TAFA4: variants seen among roughly 807,000 people sequenced by gnomAD.
TAFA4 encodes TAFA chemokine like family member 4, also known as chemokine-like protein TAFA-4.
TAFA4 carries 20 observed loss-of-function variants against 21.1 expected under a neutral mutation model. The observed-to-expected ratio is 0.95, with a 90% CI of 0.67 to 1.38. The LOEUF is 1.38. Ranked by LOEUF, TAFA4 falls within the 40% of genes most tolerant of loss-of-function variation. The pLI, the probability that TAFA4 is intolerant of heterozygous loss-of-function variation, is 0.00. For synonymous variants in TAFA4, 71 were observed against 67.4 expected (o/e 1.05, Z -0.26); for missense variants, 211 against 180.9 (o/e 1.17, Z -0.95).
At chr3:68,814,317 G>T (rs904921755) in intron 3 of TAFA4, among the ~76,000 whole-genome samples, 1 of 152,090 alleles carries the variant, frequency 6.6e-6, no homozygotes, top group Non-Finnish European at 1.5e-5. Context: ...TTCTGGCCAG[G>T]GCAATCAGGC....
intron 4 of TAFA4, among the ~76,000 whole-genome samples, chr3:68,741,114 C>T (rs1404951360): frequency 1.3e-5 from 2 of 152,088 alleles, no homozygotes; most frequent in South Asian, 2.1e-4. Flanking sequence ...TTCAAAATTG[C>T]TTTAGCTATT....
At chr3:68,755,193 T>C (rs1702638482) in intron 3 of TAFA4, among the ~76,000 whole-genome samples, 1 of 152,204 alleles carries the variant, frequency 6.6e-6, no homozygotes, top group Non-Finnish European at 1.5e-5. Flanking sequence ...ACCACCTGAA[T>C]TCCATCATCC....
intron 3 of TAFA4, among the ~76,000 whole-genome samples, chr3:68,809,285 A>C (rs1703776474): frequency 6.6e-6 from 1 of 152,220 alleles, no homozygotes; most frequent in Non-Finnish European, 1.5e-5. Context: ...AATCAATCAA[A>C]ATAAATGTTT....
At chr3:68,926,768 A>G (rs1023008819) in intron 1 of TAFA4, among the ~76,000 whole-genome samples, 7 of 152,098 alleles carry the variant, frequency 4.6e-5, no homozygotes, top group Non-Finnish European at 8.8e-5. Context: ...AAGATTAGCC[A>G]GGCATGGTGA....
In TAFA4 at chr3:68,799,678, G is replaced by A. The variant is rs548806075; in HGVS notation, c.131-46660C>T. Among the ~76,000 whole-genome samples, 3 of 152,270 alleles carry A rather than the reference G, an allele frequency of 2.0e-5. No homozygotes were observed. In the East Asian group the frequency reaches 5.8e-4, roughly 29 times the overall value. ...CAATGTGACAAAGGAAGCAGAAGGA[G>A]AAAAGGCAAAGTGATGAGAGGCCAC... On this transcript the variant is annotated intron_variant, in intron 3 of 5. Transcript: ENST00000295569.
intron 4 of TAFA4, among the ~76,000 whole-genome samples, chr3:68,748,553 T>C (rs1389013368): frequency 3.3e-5 from 5 of 152,092 alleles, no homozygotes; most frequent in Non-Finnish European, 5.9e-5. Flanking sequence ...CCATCCTGGC[T>C]AACATGGGGA....
chr3:68,838,703 TTATGAAAAA>T (rs1273899505), intron 3 of TAFA4, among the ~76,000 whole-genome samples: 2 of 152,162 alleles, frequency 1.3e-5, no homozygotes, highest in African/African-American at 4.8e-5. Flanking sequence ...TCATTCTCAG[TTATGAAAAA>T]GACATACCAT....
At chr3:68,913,900 T>C (rs964966892) in intron 1 of TAFA4, among the ~76,000 whole-genome samples, 7 of 152,212 alleles carry the variant, frequency 4.6e-5, no homozygotes, top group Non-Finnish European at 7.3e-5. Context: ...CAATTAAGTG[T>C]GTTAATACAT....
intron 3 of TAFA4, among the ~76,000 whole-genome samples, chr3:68,760,011 T>C (rs1206033042): frequency 6.6e-6 from 1 of 152,140 alleles, no homozygotes; most frequent in Non-Finnish European, 1.5e-5. Context: ...AACTTGAAAC[T>C]GTTACTCGAT....
intron 1 of TAFA4, among the ~76,000 whole-genome samples, chr3:68,906,038 A>G (rs1416691824): frequency 6.6e-6 from 1 of 152,254 alleles, no homozygotes; most frequent in Non-Finnish European, 1.5e-5. Flanking sequence ...AAAGTAAACA[A>G]TAAAGTAAAT....
chr3:68,802,148 G>C (rs907294743), intron 3 of TAFA4, among the ~76,000 whole-genome samples: 1 of 152,168 alleles, frequency 6.6e-6, no homozygotes, highest in Admixed American at 6.5e-5. Flanking sequence ...TAAGCAATAG[G>C]AAAAACTATT....
intron 3 of TAFA4, among the ~76,000 whole-genome samples, chr3:68,757,671 C>T (rs1380782787): frequency 6.6e-6 from 1 of 152,188 alleles, no homozygotes; most frequent in Non-Finnish European, 1.5e-5. Flanking sequence ...AGAACTGGGC[C>T]ACAGTGCCCT....
At chr3:68,736,132 A>T (rs1377574082) in intron 5 of TAFA4, among the ~76,000 whole-genome samples, 1 of 152,152 alleles carries the variant, frequency 6.6e-6, no homozygotes, top group Admixed American at 6.6e-5. Context: ...CTCACAAACA[A>T]GATACGGCAA....
chr3:68,869,887 G>A (rs2089463664), intron 3 of TAFA4, among the ~76,000 whole-genome samples: 2 of 151,806 alleles, frequency 1.3e-5, no homozygotes, highest in Admixed American at 1.3e-4. Context: ...AGAAATAAAG[G>A]GCATCCAAAT....
At chr3:68,819,561 G>A (rs1402000229) in intron 3 of TAFA4, among the ~76,000 whole-genome samples, 1 of 152,136 alleles carries the variant, frequency 6.6e-6, no homozygotes, top group African/African-American at 2.4e-5. Context: ...GAACCAGACA[G>A]GGAGCTAATA....
At chr3:68,778,273 T>G (rs1330810430) in intron 3 of TAFA4, among the ~76,000 whole-genome samples, 3 of 152,082 alleles carry the variant, frequency 2.0e-5, no homozygotes, top group Non-Finnish European at 4.4e-5. Flanking sequence ...AAAGTAAACT[T>G]CAGAAAAGAG....
At chr3:68,798,817 T>A (rs1029321884) in intron 3 of TAFA4, among the ~76,000 whole-genome samples, 2 of 152,116 alleles carry the variant, frequency 1.3e-5, no homozygotes, top group Non-Finnish European at 2.9e-5. Flanking sequence ...CTAACTTTTT[T>A]AAGAGAAGCA....
At chr3:68,740,386 G>A (rs943677630) in intron 4 of TAFA4, among the ~76,000 whole-genome samples, 5 of 152,166 alleles carry the variant, frequency 3.3e-5, no homozygotes, top group East Asian at 1.9e-4. Context: ...CCATTCTAGT[G>A]AGTGGACAGC....
At chr3:68,737,855 T>C (rs1397353411) in intron 5 of TAFA4, among the ~76,000 whole-genome samples, 1 of 152,130 alleles carries the variant, frequency 6.6e-6, no homozygotes, top group Non-Finnish European at 1.5e-5. Flanking sequence ...CAAAGCTCAA[T>C]AGCAATGAGA....
Sources: allele counts gnomAD v4.1 joint callset (sites outside exome capture counted in the v4.1 genomes callset), GRCh38; gene constraint gnomAD v4.1.1; transcripts MANE v1.5; gene names NCBI Gene and HGNC (gene_info 2026-07-23, HGNC 2026-07-21).